HIRA: variants seen among roughly 807,000 people sequenced by gnomAD.
HIRA encodes the protein protein HIRA.
Under a neutral mutation model 126.6 loss-of-function variants are expected in HIRA, and 13 were observed. The ratio of observed to expected loss-of-function variants is 0.10; its 90% CI spans 0.07 to 0.16. HIRA has a LOEUF of 0.16. Ranked by LOEUF, HIRA falls within the 10% of genes least tolerant of loss-of-function variation. The probability of loss-of-function intolerance (pLI) is 1.00; values close to 1 mark genes in which losing one functional copy is unlikely to be tolerated. For synonymous variants in HIRA, 511 were observed against 520.0 expected (o/e 0.98, Z 0.24); for missense variants, 834 against 1,314.4 (o/e 0.63, Z 5.65).
intron 19 of HIRA, 120 bp from the exon 20 acceptor site, chr22:19,356,408 G>A (rs2088812401): frequency 1.3e-6 from 1 of 791,698 alleles, no homozygotes; most frequent in South Asian, 1.5e-5. Flanking sequence ...CTCTCCTAGT[G>A]AGAGGGGCTC....
chr22:19,419,795 A>G (rs929567737), intron 1 of HIRA, among the ~76,000 whole-genome samples: 3 of 152,158 alleles, frequency 2.0e-5, no homozygotes, highest in African/African-American at 7.2e-5. Flanking sequence ...TGGTGTAACA[A>G]TCTTTGGAAG....
chr22:19,404,286 G>C (rs904317600), intron 5 of HIRA, among the ~76,000 whole-genome samples: 4 of 152,128 alleles, frequency 2.6e-5, no homozygotes, highest in Non-Finnish European at 4.4e-5. Flanking sequence ...AACTCTACTT[G>C]TCTGGTAAAG....
chr22:19,407,392 C>T, intron 3 of HIRA, 118 bp from the exon 4 acceptor site: 2 of 768,804 alleles, frequency 2.6e-6, no homozygotes, highest in Non-Finnish European at 4.3e-6. Context: ...CTATTTAAGG[C>T]ATCTACTGTG....
At chr22:19,389,554 G>C (rs1387906594) in intron 9 of HIRA, among the ~76,000 whole-genome samples, 2 of 152,106 alleles carry the variant, frequency 1.3e-5, no homozygotes, top group Non-Finnish European at 2.9e-5. Context: ...GTGGAGAGGG[G>C]GCTGAAGTCT....
chr22:19,353,879 G>C, intron 22 of HIRA, 117 bp downstream of exon 22: 1 of 1,295,186 alleles, frequency 7.7e-7, no homozygotes. Flanking sequence ...CCAGCACCTG[G>C]GGCACAGGGG....
At chr22:19,333,323 GAAGA>G (rs1453471773) in intron 24 of HIRA, among the ~76,000 whole-genome samples, 2 of 152,042 alleles carry the variant, frequency 1.3e-5, no homozygotes, top group African/African-American at 4.8e-5. Flanking sequence ...TACAGATATA[GAAGA>G]AAGAAAAAGA....
In HIRA at chr22:19,343,886, AAGAG is replaced by A. The variant is rs71184802; in HGVS notation, c.2937+7468_2937+7471del. On this transcript the variant is annotated intron_variant, in intron 24 of 24. Transcript: ENST00000263208. ...GGCCACAGTGAGGGGAAAAAAAAAA[AAGAG>A]AGAGAGAGAGAGAGTCTTGCTATGT... Among the ~76,000 whole-genome samples, 645 of 145,078 alleles carry A rather than the reference AAGAG, an allele frequency of 4.4e-3. 4 individuals are homozygous for A. The highest frequency in any genetic ancestry group is 0.015 in the African/African-American group (582 of 39,768).
At chr22:19,405,710 A>T in intron 5 of HIRA, 76 bp downstream of exon 5, 2 of 1,119,192 alleles carry the variant, frequency 1.8e-6, no homozygotes, top group Non-Finnish European at 2.4e-6. Context: ...AAACAGTCCC[A>T]CAGGGGACGT....
chr22:19,424,321 G>C (rs960794581), intron 1 of HIRA, among the ~76,000 whole-genome samples: 1 of 152,178 alleles, frequency 6.6e-6, no homozygotes, highest in Admixed American at 6.5e-5. Flanking sequence ...TCAGCCAATG[G>C]GGAAGACCCA....
intron 1 of HIRA, among the ~76,000 whole-genome samples, chr22:19,411,491 C>T (rs555560021): frequency 3.5e-4 from 54 of 152,128 alleles, no homozygotes; most frequent in Non-Finnish European, 5.7e-4. Flanking sequence ...CCCAGCAGAC[C>T]ATAGAAGGCA....
At chr22:19,332,487 C>T (rs2088501625) in intron 24 of HIRA, among the ~76,000 whole-genome samples, 1 of 152,182 alleles carries the variant, frequency 6.6e-6, no homozygotes, top group African/African-American at 2.4e-5. Context: ...GAAATGTTTA[C>T]TATCTGGTCC....
In HIRA at chr22:19,351,414, C is replaced by A; in HGVS notation, c.2881G>T (p.Asp961Tyr). ...FEYRLREICKDLLGPVHYSTG... is the reference protein window; with the variant it reads ...FEYRLREICKYLLGPVHYSTG... ...GAGTAGTGAACCGGACCCAGTAAGT[C>A]CTTGCATATTTCTCGAAGTCGGTAT... The change falls in exon 24 of 25, where the codon GAC (aspartate) becomes TAC (tyrosine). Residue 961 changes from aspartate (D) to tyrosine (Y), a missense_variant. By Grantham distance (160) the Asp-to-Tyr change is radical. Transcript: ENST00000263208. This position sits in a 1 kb window ranked among gnomAD's most constrained non-coding sequence, Gnocchi z 4.8. The A allele has an allele frequency of 6.2e-7, 1 of 1,613,722 alleles. No individual in the cohort carries two copies. Among genetic ancestry groups the A allele is most frequent in the Non-Finnish European group, 8.5e-7 (1 of 1,179,808 alleles).
chr22:19,395,406 C>G (rs2089214778), intron 7 of HIRA, among the ~76,000 whole-genome samples: 3 of 152,138 alleles, frequency 2.0e-5, no homozygotes, highest in Non-Finnish European at 4.4e-5. Context: ...TGCTGGTACT[C>G]AAGACACTCC....
rs559778784 is a variant in HIRA, at chr22:19,380,122, T to C, written c.1416-2056A>G. Reference sequence around the variant, plus strand: ...ACGCCCAGACAGCCTATCTTTTAAATGCACTAAAATTTTAAAATTTTTGTG... The same window carrying C: ...ACGCCCAGACAGCCTATCTTTTAAACGCACTAAAATTTTAAAATTTTTGTG... On this transcript the variant is annotated intron_variant, in intron 13 of 24. Coordinates refer to ENST00000263208, the MANE Select transcript of HIRA (RefSeq NM_003325.4). 2.6e-5 allele frequency among the ~76,000 whole-genome samples: 4 copies of C among 152,326 alleles called. No homozygotes were observed. The East Asian group carries it at 7.7e-4, about 29-fold the overall frequency.
chr22:19,415,196 C>T (rs1323649412), intron 1 of HIRA, among the ~76,000 whole-genome samples: 2 of 152,104 alleles, frequency 1.3e-5, no homozygotes, highest in African/African-American at 4.8e-5. Flanking sequence ...AAAAATTCCA[C>T]AGAAAAACTA....
chr22:19,385,602 C>G lies in HIRA; in HGVS notation c.1248G>C (p.Lys416Asn), dbSNP rs1370634277. 6.2e-7 allele frequency: 1 copy of G among 1,614,206 alleles called. No individual in the cohort carries two copies. The highest frequency in any genetic ancestry group is 8.5e-7 in the Non-Finnish European group (1 of 1,180,050). ...RRQQQQQLDQ[K>N]SAATREMGSA... ...AGCCCATCTCCCTGGTCGCAGCACT[C>G]TTCTGGTCCAGCTGCTGCTGCTGCT... Residue 416 changes from lysine to asparagine, a missense_variant, in exon 12 of 25, where the codon AAG (lysine) becomes AAC (asparagine). By Grantham distance (94) the Lys-to-Asn change is moderately conservative. Around this residue, in one of 5 missense-constraint regions of HIRA, gnomAD observed 153 missense variants for 270.6 expected, o/e 0.57. Coordinates refer to ENST00000263208, the MANE Select transcript of HIRA (RefSeq NM_003325.4).
intron 24 of HIRA, among the ~76,000 whole-genome samples, chr22:19,345,394 G>A (rs1432486072): frequency 1.3e-5 from 2 of 152,180 alleles, no homozygotes; most frequent in African/African-American, 4.8e-5. Context: ...CTCAGTAAAG[G>A]ATGGTTTTTC....
chr22:19,399,153 A>G, intron 5 of HIRA: 1 of 985,404 alleles, frequency 1.0e-6, no homozygotes, highest in Non-Finnish European at 1.2e-6. Flanking sequence ...TGAAGGGCGC[A>G]GTCTTAGTTA....
chr22:19,423,116 C>A (rs2089461111), intron 1 of HIRA, among the ~76,000 whole-genome samples: 1 of 152,212 alleles, frequency 6.6e-6, no homozygotes, highest in Non-Finnish European at 1.5e-5. Context: ...ATGCAAAAAT[C>A]TGCAGCTCAG....
Sources: gnomAD v4.1 joint callset for allele counts (sites outside exome capture counted in the v4.1 genomes callset) on GRCh38, gnomAD v4.1.1 for gene constraint, gnomAD v4.1.1 regional missense constraint, Gnocchi (gnomAD v3.1) non-coding constraint, MANE v1.5 for transcripts, NCBI Gene and HGNC (gene_info 2026-07-23, HGNC 2026-07-21) for gene names.